The following CACNA1A variants were observed in gnomAD, a reference collection of about 807,000 sequenced individuals.
CACNA1A encodes the protein voltage-dependent P/Q-type calcium channel subunit alpha-1A.
CACNA1A carries 57 observed loss-of-function variants against 262.4 expected under a neutral mutation model. The observed-to-expected ratio is 0.22, with a 90% CI of 0.18 to 0.27. The LOEUF is 0.27. Among genes scored for constraint, CACNA1A ranks in the 10% least tolerant of loss-of-function variants. The pLI, the probability that CACNA1A is intolerant of heterozygous loss-of-function variation, is 1.00. For synonymous variants in CACNA1A, 1,431 were observed against 1,419.3 expected (o/e 1.01, Z -0.18); for missense variants, 2,526 against 3,562.8 (o/e 0.71, Z 7.41).
At chr19:13,282,970 C>T (rs1405317623) in intron 22 of CACNA1A, among the ~76,000 whole-genome samples, 2 of 152,140 alleles carry the variant, frequency 1.3e-5, no homozygotes, top group Admixed American at 6.5e-5. Context: ...AGAGAATGTG[C>T]AACATCCATA....
intron 28 of CACNA1A, among the ~76,000 whole-genome samples, 173 bp from the exon 29 acceptor site, chr19:13,255,432 T>C (rs975006157): frequency 6.6e-6 from 1 of 152,014 alleles, no homozygotes; most frequent in African/African-American, 2.4e-5. Flanking sequence ...CATTGCTTTC[T>C]TATCCCAACA....
chr19:13,207,477 T>C lies in CACNA1A; in HGVS notation c.7357A>G (p.Arg2453Gly), dbSNP rs2054609422. The change falls in exon 47 of 47, where the codon AGG (arginine) becomes GGG (glycine). Residue 2453 changes from arginine (R) to glycine (G), a missense_variant. This residue lies in a region of CACNA1A where 929 missense variants were observed against 868.1 expected (regional missense o/e 1.07). Coordinates refer to ENST00000360228, the MANE Select transcript of CACNA1A (RefSeq NM_001127222.2). This position sits in a 1 kb window ranked among gnomAD's most constrained non-coding sequence, Gnocchi z 5.7. ...GCCGGGCCCGAGGCCCGGGGAGTCC[T>C]GGGCGAGCGCCCGGTGGCGCCCGAG... ...ASSGATGRSP[R>G]TPRASGPACA... The C allele has an allele frequency of 2.1e-6, 3 of 1,447,810 alleles. No individual in the cohort carries two copies. The South Asian group carries it at 4.0e-5, about 19-fold the overall frequency. 89.7% of individuals were successfully genotyped at this position (1,447,810 alleles called of 1,614,324 possible).
chr19:13,335,062 G>A (rs749738827), intron 7 of CACNA1A, among the ~76,000 whole-genome samples: 5 of 151,614 alleles, frequency 3.3e-5, no homozygotes, highest in South Asian at 4.2e-4. Context: ...GAAAAAAACC[G>A]AAAGGATAAA....
At chr19:13,446,700 G>T (rs1279708942) in intron 3 of CACNA1A, among the ~76,000 whole-genome samples, 1 of 147,288 alleles carries the variant, frequency 6.8e-6, no homozygotes, top group African/African-American at 2.5e-5. Context: ...CAAGCGATCT[G>T]CCCGCCTCTG....
chr19:13,330,052 T>C (rs1255206914), intron 10 of CACNA1A, among the ~76,000 whole-genome samples, 192 bp downstream of exon 10: 1 of 152,162 alleles, frequency 6.6e-6, no homozygotes, highest in Admixed American at 6.5e-5. Context: ...TCCCACAAAA[T>C]AATGAGAAGC....
intron 1 of CACNA1A, among the ~76,000 whole-genome samples, chr19:13,484,817 C>A (rs1356688353): frequency 6.6e-6 from 1 of 152,214 alleles, no homozygotes; most frequent in Admixed American, 6.5e-5. Context: ...ATAGCAGAGG[C>A]CCACTAAAGA....
chr19:13,275,748 C>A, intron 24 of CACNA1A, 102 bp downstream of exon 24: 3 of 811,730 alleles, frequency 3.7e-6, no homozygotes, highest in African/African-American at 3.4e-5. Context: ...AGCCCACACA[C>A]CCCATCCCTA....
intron 19 of CACNA1A, 32 bp from the exon 20 acceptor site, chr19:13,286,998 A>G (rs745857124): frequency 2.0e-6 from 3 of 1,490,812 alleles, no homozygotes; most frequent in Non-Finnish European, 2.7e-6. Flanking sequence ...AAAAGAACCA[A>G]CAACTGATTT....
chr19:13,357,408 C>T (rs1037695326), intron 6 of CACNA1A, among the ~76,000 whole-genome samples: 5 of 152,186 alleles, frequency 3.3e-5, no homozygotes, highest in African/African-American at 9.7e-5. Context: ...GTATTGCTCC[C>T]GGGTCAGGCC....
chr19:13,324,397 T>C (rs968988686), intron 10 of CACNA1A, among the ~76,000 whole-genome samples: 1 of 152,220 alleles, frequency 6.6e-6, no homozygotes, highest in Non-Finnish European at 1.5e-5. Flanking sequence ...TATTAATAAA[T>C]AGTAATGTGT....
chr19:13,347,299 G>A (rs1294994799), intron 6 of CACNA1A, among the ~76,000 whole-genome samples: 2 of 151,658 alleles, frequency 1.3e-5, no homozygotes, highest in African/African-American at 4.8e-5. Flanking sequence ...TAGGGCTCAA[G>A]GGATCCTCCT....
At chr19:13,432,596 A>G (rs940200269) in intron 3 of CACNA1A, among the ~76,000 whole-genome samples, 1 of 151,464 alleles carries the variant, frequency 6.6e-6, no homozygotes, top group Non-Finnish European at 1.5e-5. Flanking sequence ...CGTTTTAGAG[A>G]TCTTTTGCAC....
chr19:13,290,744 T>C (rs918433652), intron 19 of CACNA1A, among the ~76,000 whole-genome samples: 2 of 150,982 alleles, frequency 1.3e-5, no homozygotes, highest in African/African-American at 4.9e-5. Flanking sequence ...TATGTGTATA[T>C]ATATACATAC....
At chr19:13,343,309 A>G (rs1239724245) in intron 6 of CACNA1A, among the ~76,000 whole-genome samples, 2 of 151,042 alleles carry the variant, frequency 1.3e-5, no homozygotes, top group Non-Finnish European at 2.9e-5. Flanking sequence ...TTTAAAATAG[A>G]GACAAGATTT....
At chr19:13,379,753 G>A (rs1360927383) in intron 3 of CACNA1A, among the ~76,000 whole-genome samples, 7 of 146,920 alleles carry the variant, frequency 4.8e-5, no homozygotes, top group South Asian at 4.5e-4. Flanking sequence ...GTGAAAACCC[G>A]TCTCTACTAA....
At chr19:13,418,698 C>T (rs34854734) in intron 3 of CACNA1A, among the ~76,000 whole-genome samples, 20,079 of 151,970 alleles carry the variant, frequency 0.13, 1,721 homozygotes, top group Non-Finnish European at 0.2. Context: ...GGTGACACCT[C>T]GATTTCAGAC....
At chr19:13,468,539 C>A (rs923762115) in intron 1 of CACNA1A, among the ~76,000 whole-genome samples, 11 of 152,184 alleles carry the variant, frequency 7.2e-5, no homozygotes, top group African/African-American at 2.7e-4. Context: ...GTAATCCCAG[C>A]ACTTTGGGAG....
chr19:13,227,476 C>A lies in CACNA1A; in HGVS notation c.5580G>T (p.Pro1860=). The part of the protein sequence containing the change: ...DMYQMLRHMS[P]PLGLGKKCPA... ...GACACTTCTTCCCCAGACCCAGGGG[C>A]GGAGACATGTGTCTCAGCATCTGAT... The change falls in exon 37 of 47, where the codon CCG becomes CCT. Residue 1860 remains proline, a synonymous_variant. Coordinates refer to ENST00000360228, the MANE Select transcript of CACNA1A (RefSeq NM_001127222.2). 1.2e-6 allele frequency: 2 copies of A among 1,608,992 alleles called. No homozygotes were observed. Among genetic ancestry groups the A allele is most frequent in the Non-Finnish European group, 1.7e-6 (2 of 1,176,806 alleles).
In CACNA1A at chr19:13,308,283, C is replaced by A; in HGVS notation, c.1782-32G>T. On this transcript the variant is annotated intron_variant, in intron 13 of 46. Coordinates refer to ENST00000360228, the MANE Select transcript of CACNA1A (RefSeq NM_001127222.2). This position sits in a 1 kb window ranked among gnomAD's most constrained non-coding sequence, Gnocchi z 4.2. ...ACAGAGGCCAGGCGAGGACTCAGGC[C>A]AGGCGGGGGAGGCAGGGCCCCGGAG... 6.3e-7 allele frequency: 1 copy of A among 1,599,120 alleles called. No homozygotes were observed. Among genetic ancestry groups the A allele is most frequent in the Non-Finnish European group, 8.5e-7 (1 of 1,170,742 alleles).
Sources: allele counts gnomAD v4.1 joint callset (sites outside exome capture counted in the v4.1 genomes callset), GRCh38; gene constraint gnomAD v4.1.1; regional missense constraint gnomAD v4.1.1; non-coding constraint Gnocchi (gnomAD v3.1); transcripts MANE v1.5; gene names NCBI Gene and HGNC (gene_info 2026-07-23, HGNC 2026-07-21).